TMCC1: variants seen among roughly 807,000 people sequenced by gnomAD.
The protein encoded by TMCC1 is transmembrane and coiled-coil domains protein 1.
In TMCC1, 15 loss-of-function variants were observed where a neutral mutation model predicts 52.4. That is an observed-to-expected ratio of 0.29 (90% confidence interval 0.19 to 0.44). TMCC1 has a LOEUF of 0.44. Among genes scored for constraint, TMCC1 ranks in the 20% least tolerant of loss-of-function variants. The pLI is 1.00. For synonymous variants in TMCC1, 279 were observed against 301.9 expected (o/e 0.92, Z 0.79); for missense variants, 503 against 806.0 (o/e 0.62, Z 4.55).
Position 129,771,797 on chromosome 3 carries a change from A to AAAAAAAAAG in TMCC1, c.576+56005_576+56006insCTTTTTTTT, listed in dbSNP as rs60824072. On this transcript the variant is annotated intron_variant, in intron 4 of 6. Coordinates refer to ENST00000393238, the MANE Select transcript of TMCC1 (RefSeq NM_001017395.5). Reference sequence around the variant, plus strand: ...CTCAAAAAAAAAAAAAAAAAAAAAAAAAGAAGAAGAAGAAAAAACAATTGA... The same window carrying AAAAAAAAAG: ...CTCAAAAAAAAAAAAAAAAAAAAAAAAAAAAAAAGAAGAAGAAGAAGAAAAAACAATTGA... Among the ~76,000 whole-genome samples, 27 of 86,882 alleles carry AAAAAAAAAG rather than the reference A, an allele frequency of 3.1e-4. 1 individual carries two copies. The highest frequency in any genetic ancestry group is 2.5e-3 in the East Asian group (5 of 1,980). The allele number at this position is 86,882 out of a possible 152,430, so 57.0% of individuals were successfully genotyped here.
At chr3:129,665,482 T>A (rs2087378474) in intron 5 of TMCC1, among the ~76,000 whole-genome samples, 1 of 152,200 alleles carries the variant, frequency 6.6e-6, no homozygotes, top group Non-Finnish European at 1.5e-5. Flanking sequence ...TTAAGAAGGT[T>A]TCACCTATTT....
intron 4 of TMCC1, among the ~76,000 whole-genome samples, chr3:129,826,157 C>T (rs2058648472): frequency 6.6e-6 from 1 of 152,090 alleles, no homozygotes; most frequent in African/African-American, 2.4e-5. Flanking sequence ...TCAATCTTTA[C>T]TGCCAACTAG....
At chr3:129,796,095 T>A (rs2056803238) in intron 4 of TMCC1, among the ~76,000 whole-genome samples, 1 of 152,256 alleles carries the variant, frequency 6.6e-6, no homozygotes, top group Non-Finnish European at 1.5e-5. Context: ...ACTAGCCACA[T>A]ATATGACAGT....
intron 4 of TMCC1, among the ~76,000 whole-genome samples, chr3:129,720,181 C>CAAAAAAAAAAAAAAAAA (rs765678095): frequency 1.7e-5 from 1 of 58,694 alleles, no homozygotes; most frequent in African/African-American, 6.2e-5. Flanking sequence ...GACCCTGTCT[C>CAAAAAAAAAAAAAAAAA]AAAAAAAAAA....
At chr3:129,761,318 A>C (rs1243417515) in intron 4 of TMCC1, among the ~76,000 whole-genome samples, 1 of 113,622 alleles carries the variant, frequency 8.8e-6, no homozygotes, top group Non-Finnish European at 1.8e-5. Context: ...ACAGAGCGAG[A>C]CTCCGTCTCA....
chr3:129,804,558 G>A (rs1362678262), intron 4 of TMCC1, among the ~76,000 whole-genome samples: 2 of 152,138 alleles, frequency 1.3e-5, no homozygotes, highest in Non-Finnish European at 2.9e-5. Context: ...GAAACACATA[G>A]GAAAATTATA....
At chr3:129,671,317 A>G in intron 4 of TMCC1, 53 bp from the exon 5 acceptor site, 2 of 1,517,382 alleles carry the variant, frequency 1.3e-6, no homozygotes, top group African/African-American at 2.8e-5. Flanking sequence ...CTACGTCTTC[A>G]AAATCAATGG....
At chr3:129,667,220 TAAAA>T (rs1202933776) in intron 5 of TMCC1, among the ~76,000 whole-genome samples, 13 of 85,828 alleles carry the variant, frequency 1.5e-4, no homozygotes, top group Admixed American at 2.5e-4. Context: ...CCCTGACTCT[TAAAA>T]AAAAAAAAAA....
intron 5 of TMCC1, among the ~76,000 whole-genome samples, chr3:129,662,351 A>T (rs1262803136): frequency 1.3e-5 from 2 of 152,238 alleles, no homozygotes; most frequent in Non-Finnish European, 1.5e-5. Context: ...CTTAGGCTGT[A>T]TGGTACAGTC....
intron 6 of TMCC1, among the ~76,000 whole-genome samples, chr3:129,653,013 G>T (rs1182062156): frequency 6.6e-6 from 1 of 152,030 alleles, no homozygotes; most frequent in African/African-American, 2.4e-5. Context: ...ATATTTTACA[G>T]GGTTTGGCTT....
chr3:129,737,461 C>T (rs1484108202), intron 4 of TMCC1, among the ~76,000 whole-genome samples: 3 of 151,404 alleles, frequency 2.0e-5, no homozygotes, highest in African/African-American at 7.3e-5. Flanking sequence ...GCCTGGGCAA[C>T]ACAGCAAGCC....
At chr3:129,785,504 A>G (rs1319162978) in intron 4 of TMCC1, among the ~76,000 whole-genome samples, 1 of 152,132 alleles carries the variant, frequency 6.6e-6, no homozygotes, top group East Asian at 1.9e-4. Context: ...GTGCCCAAAG[A>G]GAATGTGTTA....
At chr3:129,722,758 G>A (rs1319913736) in intron 4 of TMCC1, among the ~76,000 whole-genome samples, 3 of 152,064 alleles carry the variant, frequency 2.0e-5, no homozygotes, top group Non-Finnish European at 1.5e-5. Context: ...AAATAGATAA[G>A]TAAACTGACC....
At chr3:129,712,218 T>C (rs145156953) in intron 4 of TMCC1, among the ~76,000 whole-genome samples, 1 of 152,140 alleles carries the variant, frequency 6.6e-6, no homozygotes, top group African/African-American at 2.4e-5. Flanking sequence ...TCGAATGCAT[T>C]TGAAAACAAA....
chr3:129,783,424 C>A (rs1435463236), intron 4 of TMCC1, among the ~76,000 whole-genome samples: 1 of 152,096 alleles, frequency 6.6e-6, no homozygotes, highest in Non-Finnish European at 1.5e-5. Context: ...GTCAGTACAG[C>A]TCTAGCATTT....
intron 2 of TMCC1, among the ~76,000 whole-genome samples, chr3:129,843,255 G>A (rs761329670): frequency 1.3e-5 from 2 of 152,028 alleles, no homozygotes; most frequent in Non-Finnish European, 2.9e-5. Context: ...GCTGAGGCAG[G>A]AGAATGCCAT....
At chr3:129,876,764 C>T (rs1464963440) in intron 2 of TMCC1, among the ~76,000 whole-genome samples, 3 of 152,074 alleles carry the variant, frequency 2.0e-5, no homozygotes, top group African/African-American at 7.2e-5. Context: ...ACCATCCTGG[C>T]TAACATGGTG....
intron 5 of TMCC1, among the ~76,000 whole-genome samples, chr3:129,667,180 G>A (rs978161001): frequency 6.9e-5 from 10 of 145,510 alleles, no homozygotes; most frequent in African/African-American, 2.6e-4. Flanking sequence ...TACGATTACA[G>A]GCGTGAGCCA....
intron 4 of TMCC1, chr3:129,688,526 C>A (rs1380530149): frequency 1.0e-6 from 1 of 985,436 alleles, no homozygotes; most frequent in Non-Finnish European, 1.2e-6. Context: ...TACAGCCGCA[C>A]CACATTAATA....
Sources: allele counts gnomAD v4.1 joint callset (sites outside exome capture counted in the v4.1 genomes callset), GRCh38; gene constraint gnomAD v4.1.1; transcripts MANE v1.5; gene names NCBI Gene and HGNC (gene_info 2026-07-23, HGNC 2026-07-21).